The following ADD3 variants were observed in gnomAD, a reference collection of about 807,000 sequenced individuals.
ADD3 encodes the protein adducin 3, also known as gamma-adducin.
ADD3 carries 25 observed loss-of-function variants against 80.2 expected under a neutral mutation model. The ratio of observed to expected loss-of-function variants is 0.31; its 90% CI spans 0.23 to 0.44. ADD3 has a LOEUF of 0.44. ADD3 is among the 20% of genes least tolerant of loss of function. ADD3 has a pLI of 1.00. For synonymous variants in ADD3, 284 were observed against 289.6 expected (o/e 0.98, Z 0.20); for missense variants, 829 against 847.5 (o/e 0.98, Z 0.27).
intron 2 of ADD3, among the ~76,000 whole-genome samples, chr10:110,107,763 C>T (rs915793730): frequency 2.0e-5 from 3 of 152,110 alleles, no homozygotes; most frequent in African/African-American, 7.2e-5. Context: ...AACATAAGAG[C>T]ATGCAGTACA....
chr10:110,035,631 C>G (rs1426349525), intron 1 of ADD3, among the ~76,000 whole-genome samples: 1 of 152,228 alleles, frequency 6.6e-6, no homozygotes, highest in Middle Eastern at 3.4e-3. Flanking sequence ...ACTAGTGGTA[C>G]TCAGACTTTA....
At chr10:110,081,194 T>C (rs1333822803) in intron 1 of ADD3, among the ~76,000 whole-genome samples, 1 of 152,194 alleles carries the variant, frequency 6.6e-6, no homozygotes, top group East Asian at 1.9e-4. Context: ...ATCTGAGATA[T>C]TATTATTATT....
chr10:110,067,605 G>T (rs973846507), intron 1 of ADD3, among the ~76,000 whole-genome samples: 3 of 152,170 alleles, frequency 2.0e-5, no homozygotes, highest in African/African-American at 7.2e-5. Flanking sequence ...TCTATAAGCT[G>T]CCATATTTAA....
At chr10:110,122,037 C>A in intron 8 of ADD3, 73 bp from the exon 9 acceptor site, 1 of 1,340,848 alleles carries the variant, frequency 7.5e-7, no homozygotes, top group Non-Finnish European at 1.0e-6. Flanking sequence ...TGAAATTGTG[C>A]CTTTTTGAAA....
At chr10:110,123,426 C>T (rs1851755994) in intron 9 of ADD3, among the ~76,000 whole-genome samples, 1 of 152,044 alleles carries the variant, frequency 6.6e-6, no homozygotes, top group African/African-American at 2.4e-5. Context: ...CATGCCATCT[C>T]GTGCTTTAAT....
intron 1 of ADD3, among the ~76,000 whole-genome samples, chr10:110,074,562 G>T (rs1454296175): frequency 6.6e-6 from 1 of 151,978 alleles, no homozygotes; most frequent in South Asian, 2.1e-4. Flanking sequence ...CAGTCATGGG[G>T]CTACCTCATT....
intron 2 of ADD3, among the ~76,000 whole-genome samples, chr10:110,104,430 G>C (rs1272938180): frequency 6.6e-6 from 1 of 152,096 alleles, no homozygotes; most frequent in African/African-American, 2.4e-5. Context: ...AAGTTTTAGG[G>C]GTGCAAAGGC....
intron 1 of ADD3, among the ~76,000 whole-genome samples, chr10:110,025,085 G>A (rs373606461): frequency 3.3e-5 from 5 of 151,846 alleles, no homozygotes; most frequent in African/African-American, 7.3e-5. Flanking sequence ...TAATAGCGTC[G>A]GGGTTTTGCC....
intron 1 of ADD3, among the ~76,000 whole-genome samples, chr10:110,010,517 G>A (rs1376789673): frequency 1.3e-5 from 2 of 152,160 alleles, no homozygotes; most frequent in Non-Finnish European, 1.5e-5. Flanking sequence ...TGTATTCAGT[G>A]CTTTTTGTGT....
chr10:110,045,297 T>G (rs1856797305), intron 1 of ADD3, among the ~76,000 whole-genome samples: 1 of 151,952 alleles, frequency 6.6e-6, no homozygotes, highest in Non-Finnish European at 1.5e-5. Context: ...GAGGTTGCAG[T>G]GAGCCGAGAT....
chr10:110,094,304 CATT>C (rs1236696894), intron 1 of ADD3, among the ~76,000 whole-genome samples: 4 of 152,120 alleles, frequency 2.6e-5, no homozygotes, highest in South Asian at 2.1e-4. Context: ...TAATAAACAT[CATT>C]ATTATGATTT....
intron 3 of ADD3, among the ~76,000 whole-genome samples, chr10:110,114,657 G>C (rs1850469397): frequency 6.6e-6 from 1 of 152,166 alleles, no homozygotes; most frequent in Non-Finnish European, 1.5e-5. Flanking sequence ...GAGCCTATAG[G>C]AATGGTAATA....
At chr10:110,040,383 A>G (rs1170583198) in intron 1 of ADD3, among the ~76,000 whole-genome samples, 1 of 152,226 alleles carries the variant, frequency 6.6e-6, no homozygotes, top group Admixed American at 6.5e-5. Context: ...ATGATTGAAC[A>G]GATTGACACT....
intron 2 of ADD3, among the ~76,000 whole-genome samples, chr10:110,101,524 A>G (rs773006919): frequency 2.0e-5 from 3 of 150,344 alleles, no homozygotes; most frequent in Non-Finnish European, 4.4e-5. Flanking sequence ...AGTCCCATCT[A>G]CTCCTGGGAG....
intron 1 of ADD3, among the ~76,000 whole-genome samples, chr10:110,073,133 G>GTTTTTTTTTTTTTTT (rs1443878675): frequency 2.8e-5 from 3 of 106,486 alleles, no homozygotes; most frequent in African/African-American, 4.4e-5. Flanking sequence ...TTGAGTTTTA[G>GTTTTTTTTTTTTTTT]TTTTCTTTTT....
At chr10:110,094,338 A>G (rs902535358) in intron 1 of ADD3, among the ~76,000 whole-genome samples, 6 of 152,332 alleles carry the variant, frequency 3.9e-5, no homozygotes, top group East Asian at 1.9e-4. Context: ...TATTTGAGCA[A>G]TGTAACTTTA....
chr10:110,073,344 G>C (rs1002668551), intron 1 of ADD3, among the ~76,000 whole-genome samples: 2 of 151,772 alleles, frequency 1.3e-5, no homozygotes, highest in South Asian at 4.2e-4. Context: ...GGATTTCACC[G>C]TGTTAGCCAG....
chr10:110,131,682 A>G (rs930088416), intron 13 of ADD3, among the ~76,000 whole-genome samples: 1 of 152,152 alleles, frequency 6.6e-6, no homozygotes, highest in Non-Finnish European at 1.5e-5. Flanking sequence ...GTGTTATTGA[A>G]TTTGTTTATT....
chr10:110,013,775 G>A (rs1346765133), intron 1 of ADD3, among the ~76,000 whole-genome samples: 1 of 152,174 alleles, frequency 6.6e-6, no homozygotes, highest in South Asian at 2.1e-4. Flanking sequence ...AATGAAAGAG[G>A]AGAGTGCTGA....
Sources: gnomAD v4.1 joint callset for allele counts (sites outside exome capture counted in the v4.1 genomes callset) on GRCh38, gnomAD v4.1.1 for gene constraint, MANE v1.5 for transcripts, NCBI Gene and HGNC (gene_info 2026-07-23, HGNC 2026-07-21) for gene names.